CREB5: variants seen among roughly 807,000 people sequenced by gnomAD.
CREB5 encodes cAMP responsive element binding protein 5.
In CREB5, 19 loss-of-function variants were observed where a neutral mutation model predicts 57.1. The ratio of observed to expected loss-of-function variants is 0.33; its 90% CI spans 0.23 to 0.49. The LOEUF (loss-of-function observed/expected upper bound fraction) is 0.49. Ranked by LOEUF, CREB5 falls within the 20% of genes least tolerant of loss-of-function variation. The pLI, the probability that CREB5 is intolerant of heterozygous loss-of-function variation, is 0.99. For synonymous variants in CREB5, 238 were observed against 238.3 expected, an observed-to-expected ratio of 1.00 and a Z score of 0.01; for missense variants, 579 against 671.6, an observed-to-expected ratio of 0.86 and a Z score of 1.52.
intron 7 of CREB5, among the ~76,000 whole-genome samples, chr7:28,796,658 C>A (rs190122231): frequency 2.4e-4 from 36 of 152,316 alleles, no homozygotes; most frequent in South Asian, 1.7e-3. Context: ...AAGTTCTCTG[C>A]AATGATAACT....
chr7:28,785,396 T>G (rs950764877), intron 7 of CREB5, among the ~76,000 whole-genome samples: 1 of 152,252 alleles, frequency 6.6e-6, no homozygotes, highest in East Asian at 1.9e-4. Context: ...TTTGTTTGAT[T>G]CATGGGCTTC....
chr7:28,808,734 T>C (rs1808906548), intron 8 of CREB5, among the ~76,000 whole-genome samples: 1 of 143,832 alleles, frequency 7.0e-6, no homozygotes, highest in Non-Finnish European at 1.5e-5. Context: ...TTTTTTTTTT[T>C]TTTTTTTGTA....
At chr7:28,642,486 T>C (rs1013512076) in intron 5 of CREB5, among the ~76,000 whole-genome samples, 2 of 152,234 alleles carry the variant, frequency 1.3e-5, no homozygotes, top group African/African-American at 4.8e-5. Context: ...ACTTCGTTTT[T>C]ACTTCATTTT....
At chr7:28,562,871 C>T (rs951614824) in intron 4 of CREB5, among the ~76,000 whole-genome samples, 10 of 152,188 alleles carry the variant, frequency 6.6e-5, no homozygotes, top group African/African-American at 2.4e-4. Context: ...GTAAGAATAA[C>T]AGGCATACCT....
At chr7:28,341,567 T>G (rs1785937832) in intron 1 of CREB5, among the ~76,000 whole-genome samples, 1 of 152,238 alleles carries the variant, frequency 6.6e-6, no homozygotes, top group Admixed American at 6.5e-5. Context: ...CTCCAACTGA[T>G]TGTATCGGCT....
At chr7:28,756,544 G>A (rs1181927303) in intron 7 of CREB5, among the ~76,000 whole-genome samples, 1 of 138,488 alleles carries the variant, frequency 7.2e-6, no homozygotes. Flanking sequence ...CAACAAGAGG[G>A]GAATTCCATC....
chr7:28,527,129 G>A (rs1793483408), intron 4 of CREB5, among the ~76,000 whole-genome samples: 1 of 152,192 alleles, frequency 6.6e-6, no homozygotes, highest in South Asian at 2.1e-4. Flanking sequence ...GTTGCAGTGA[G>A]CCATGCCTTA....
intron 1 of CREB5, among the ~76,000 whole-genome samples, chr7:28,471,668 C>T (rs767695835): frequency 1.2e-4 from 19 of 152,310 alleles, no homozygotes; most frequent in Non-Finnish European, 2.2e-4. Flanking sequence ...GAACCTTAGA[C>T]GTTTGTCCAA....
chr7:28,708,599 C>A (rs1192452557), intron 5 of CREB5, among the ~76,000 whole-genome samples: 1 of 152,164 alleles, frequency 6.6e-6, no homozygotes, highest in East Asian at 1.9e-4. Context: ...TCCAATAGAT[C>A]TTTTATAAGA....
Position 28,797,636 on chromosome 7 carries a change from G to C in CREB5, c.703-6563G>C, listed in dbSNP as rs530580754. On this transcript the variant is annotated intron_variant, in intron 7 of 10. Transcript: ENST00000357727. ...ATTTTATTCCAAGTGATTAAGCCAA[G>C]TATGATCTTAGTTAATCCCATGCAC... Among the ~76,000 whole-genome samples the C allele has an allele frequency of 2.2e-3, 342 of 152,336 alleles. 1 individual carries two copies. The highest frequency in any genetic ancestry group is 7.9e-3 in the African/African-American group (330 of 41,584).
chr7:28,446,733 A>C (rs2128564472), intron 1 of CREB5, among the ~76,000 whole-genome samples: 1 of 152,292 alleles, frequency 6.6e-6, no homozygotes, highest in Non-Finnish European at 1.5e-5. Context: ...TGGAGATTGC[A>C]GTGAGCCGAG....
intron 5 of CREB5, among the ~76,000 whole-genome samples, chr7:28,643,137 G>C (rs1461180891): frequency 6.6e-6 from 1 of 152,078 alleles, no homozygotes; most frequent in Non-Finnish European, 1.5e-5. Context: ...AGTGGCACCT[G>C]CATTGAACTT....
At chr7:28,561,936 G>T (rs1353030435) in intron 4 of CREB5, among the ~76,000 whole-genome samples, 1 of 152,160 alleles carries the variant, frequency 6.6e-6, no homozygotes, top group East Asian at 1.9e-4. Flanking sequence ...AGTAGTGATG[G>T]GTTTTCGCCA....
intron 1 of CREB5, among the ~76,000 whole-genome samples, chr7:28,361,429 T>C (rs1786479194): frequency 6.6e-6 from 1 of 152,156 alleles, no homozygotes; most frequent in Non-Finnish European, 1.5e-5. Context: ...GCAACATAAA[T>C]CCAGATGCCT....
intron 1 of CREB5, among the ~76,000 whole-genome samples, chr7:28,465,264 G>T (rs749469426): frequency 2.6e-5 from 4 of 152,148 alleles, no homozygotes; most frequent in Non-Finnish European, 4.4e-5. Context: ...TTAAGTCTAG[G>T]CTTGTGCTAG....
upstream of CREB5, among the ~76,000 whole-genome samples, chr7:28,412,018 G>A (rs1787823344): frequency 6.6e-6 from 1 of 152,212 alleles, no homozygotes; most frequent in African/African-American, 2.4e-5. Flanking sequence ...TTAGTGATCA[G>A]TGATTAGTGG....
intron 5 of CREB5, among the ~76,000 whole-genome samples, chr7:28,650,734 A>G (rs1191671821): frequency 6.6e-6 from 1 of 152,174 alleles, no homozygotes; most frequent in African/African-American, 2.4e-5. Flanking sequence ...GAATATTACC[A>G]ATTATTTTCC....
chr7:28,726,872 A>G (rs1275714561), intron 7 of CREB5: 1 of 152,196 alleles, frequency 6.6e-6, no homozygotes, highest in Non-Finnish European at 1.5e-5. Context: ...GACAAAAGCC[A>G]TTATCCTAAA....
At chr7:28,424,872 C>T (rs1788435268) in intron 1 of CREB5, among the ~76,000 whole-genome samples, 1 of 152,132 alleles carries the variant, frequency 6.6e-6, no homozygotes, top group Non-Finnish European at 1.5e-5. Flanking sequence ...TAATTTATGT[C>T]TATGTGCTTC....
Sources: allele counts gnomAD v4.1 joint callset (sites outside exome capture counted in the v4.1 genomes callset), GRCh38; gene constraint gnomAD v4.1.1; transcripts MANE v1.5; gene names NCBI Gene and HGNC (gene_info 2026-07-23, HGNC 2026-07-21).